The following EXOC4 variants were observed in gnomAD, a reference collection of about 807,000 sequenced individuals.
The protein encoded by EXOC4 is exocyst complex component 4.
EXOC4 carries 71 observed loss-of-function variants against 107.2 expected under a neutral mutation model. The observed-to-expected ratio is 0.66, with a 90% CI of 0.55 to 0.81. The LOEUF (loss-of-function observed/expected upper bound fraction) is 0.81. Ranked by LOEUF, EXOC4 falls within the 30% of genes least tolerant of loss-of-function variation. The pLI is 0.00. For missense variants in EXOC4, 1,108 were observed against 1,189.6 expected (o/e 0.93, Z 1.01); for synonymous variants, 456 against 441.2 (o/e 1.03, Z -0.42).
At chr7:133,706,910 C>T (rs1341035391) in intron 10 of EXOC4, among the ~76,000 whole-genome samples, 2 of 152,208 alleles carry the variant, frequency 1.3e-5, no homozygotes, top group Non-Finnish European at 2.9e-5. Flanking sequence ...AAAGGCCCCA[C>T]ATCCTAATAC....
intron 11 of EXOC4, among the ~76,000 whole-genome samples, chr7:133,857,027 G>T (rs1365123022): frequency 2.8e-5 from 4 of 145,320 alleles, no homozygotes; most frequent in African/African-American, 1.0e-4. Context: ...AACCCGGGAG[G>T]CAGAGGTTGC....
At chr7:133,474,798 C>G (rs1165228003) in intron 7 of EXOC4, among the ~76,000 whole-genome samples, 1 of 152,084 alleles carries the variant, frequency 6.6e-6, no homozygotes, top group Non-Finnish European at 1.5e-5. Context: ...AGCATGCACT[C>G]CCTAGTACAC....
chr7:133,616,225 C>G (rs886092009), intron 9 of EXOC4, among the ~76,000 whole-genome samples: 9 of 151,960 alleles, frequency 5.9e-5, no homozygotes, highest in Non-Finnish European at 7.4e-5. Context: ...CTTTTTTATT[C>G]CTTTGGTTTA....
At chr7:133,595,284 T>G (rs1801640694) in intron 9 of EXOC4, among the ~76,000 whole-genome samples, 1 of 152,182 alleles carries the variant, frequency 6.6e-6, no homozygotes, top group Admixed American at 6.5e-5. Context: ...CTGATGATAC[T>G]CCCAGAAGTA....
intron 10 of EXOC4, among the ~76,000 whole-genome samples, chr7:133,816,675 T>A (rs1585169878): frequency 1.3e-5 from 2 of 152,182 alleles, no homozygotes; most frequent in African/African-American, 4.8e-5. Flanking sequence ...CGGACAAGGG[T>A]TGGGGGAAAG....
At chr7:133,786,511 A>C (rs938595030) in intron 10 of EXOC4, among the ~76,000 whole-genome samples, 3 of 152,212 alleles carry the variant, frequency 2.0e-5, no homozygotes, top group Non-Finnish European at 4.4e-5. Context: ...CGTAACTTAG[A>C]ATATTACGAA....
chr7:133,638,593 A>G (rs976386581), intron 10 of EXOC4, among the ~76,000 whole-genome samples: 109 of 152,202 alleles, frequency 7.2e-4, no homozygotes, highest in African/African-American at 2.3e-3. Flanking sequence ...CCTCCCTACC[A>G]TATAGTTGCT....
At chr7:133,374,493 A>G (rs1397318217) in intron 6 of EXOC4, among the ~76,000 whole-genome samples, 1 of 152,240 alleles carries the variant, frequency 6.6e-6, no homozygotes, top group Non-Finnish European at 1.5e-5. Context: ...AGCTGCCTGT[A>G]TGAATACATA....
intron 17 of EXOC4, among the ~76,000 whole-genome samples, chr7:134,061,455 A>G (rs947780406): frequency 6.6e-6 from 1 of 152,190 alleles, no homozygotes; most frequent in Non-Finnish European, 1.5e-5. Flanking sequence ...CAGAACCTTT[A>G]AGAAGCACAT....
rs117412126 is a variant in EXOC4, at chr7:133,731,649, C to T, written c.1515-85676C>T. ...ACCTCAGTTTGAATCCTGACTCTAC[C>T]ATTTAGCTTAAATGGTTGCTTCTAG... On this transcript the variant is annotated intron_variant, in intron 10 of 17. Coordinates refer to ENST00000253861, the MANE Select transcript of EXOC4 (RefSeq NM_021807.4). Among the ~76,000 whole-genome samples, 1,510 of 152,198 alleles carry T rather than the reference C, an allele frequency of 9.9e-3. 21 individuals carry two copies. Among genetic ancestry groups the T allele is most frequent in the Non-Finnish European group, 0.012 (813 of 68,006 alleles).
intron 7 of EXOC4, among the ~76,000 whole-genome samples, chr7:133,419,755 CTT>C (rs1797558752): frequency 6.6e-6 from 1 of 152,084 alleles, no homozygotes; most frequent in African/African-American, 2.4e-5. Flanking sequence ...CAAACCGACT[CTT>C]ATTATTTTCC....
In EXOC4 at chr7:133,253,092, C is replaced by T. The variant is rs753416820; in HGVS notation, c.-10C>T. ...TTCCTTGGAGCCTAGCGGCTCTCCC[C>T]GCGTCCAAGATGGCGGCAGAAGCAG... On this transcript the variant is annotated 5_prime_UTR_variant, in exon 1 of 18. Coordinates refer to ENST00000253861, the MANE Select transcript of EXOC4 (RefSeq NM_021807.4). 1.9e-6 allele frequency: 3 copies of T among 1,614,046 alleles called. No individual in the cohort carries two copies. The highest frequency in any genetic ancestry group is 2.2e-5 in the East Asian group (1 of 44,874).
At chr7:133,788,999 A>G (rs1796648734) in intron 10 of EXOC4, among the ~76,000 whole-genome samples, 1 of 152,194 alleles carries the variant, frequency 6.6e-6, no homozygotes, top group Admixed American at 6.5e-5. Context: ...GAATCAGGCC[A>G]CCATAATGTC....
chr7:133,826,576 A>G (rs968440053), intron 11 of EXOC4, among the ~76,000 whole-genome samples: 2 of 152,140 alleles, frequency 1.3e-5, no homozygotes, highest in Admixed American at 1.3e-4. Flanking sequence ...GGCTTTATGA[A>G]GTCTTCTACA....
At chr7:133,315,833 T>A (rs1361708430) in intron 4 of EXOC4, among the ~76,000 whole-genome samples, 1 of 152,200 alleles carries the variant, frequency 6.6e-6, no homozygotes, top group East Asian at 1.9e-4. Flanking sequence ...GGAAATATGC[T>A]GTTTGGTTTA....
chr7:133,955,322 C>T lies in EXOC4; in HGVS notation c.2206+17253C>T, dbSNP rs77712169. Among the ~76,000 whole-genome samples the T allele has an allele frequency of 1.7e-3, 265 of 152,314 alleles. 4 individuals are homozygous for T. Among genetic ancestry groups the T allele is most frequent in the African/African-American group, 6.2e-3 (256 of 41,570 alleles). On this transcript the variant is annotated intron_variant, in intron 14 of 17. Coordinates refer to ENST00000253861, the MANE Select transcript of EXOC4 (RefSeq NM_021807.4). ...GGCATCCCAATGAGTATTCAGCTCT[C>T]AGCATAGAGGAGACCCTGTGGTGGG...
intron 14 of EXOC4, among the ~76,000 whole-genome samples, chr7:133,941,309 C>A (rs1229256259): frequency 6.6e-6 from 1 of 152,080 alleles, no homozygotes; most frequent in Non-Finnish European, 1.5e-5. Flanking sequence ...AAATTATTTT[C>A]ATAGTAGAAT....
chr7:133,771,802 G>A (rs532172799), intron 10 of EXOC4, among the ~76,000 whole-genome samples: 1 of 152,092 alleles, frequency 6.6e-6, no homozygotes, highest in East Asian at 1.9e-4. Flanking sequence ...TTCCAAAGTA[G>A]TTAGGGGAGG....
chr7:133,642,711 T>C (rs1371770934), intron 10 of EXOC4, among the ~76,000 whole-genome samples: 2 of 152,172 alleles, frequency 1.3e-5, no homozygotes, highest in Admixed American at 1.3e-4. Flanking sequence ...TTGTGATTTC[T>C]TATCCTCAGC....
Sources: gnomAD v4.1 joint callset for allele counts (sites outside exome capture counted in the v4.1 genomes callset) on GRCh38, gnomAD v4.1.1 for gene constraint, MANE v1.5 for transcripts, NCBI Gene and HGNC (gene_info 2026-07-23, HGNC 2026-07-21) for gene names.